Variants in PPP4R1 observed in about 807,000 individuals in gnomAD.
PPP4R1 encodes protein phosphatase 4 regulatory subunit 1.
In PPP4R1, 42 loss-of-function variants were observed where a neutral mutation model predicts 111.2. The observed-to-expected ratio is 0.38, with a 90% confidence interval of 0.29 to 0.49. PPP4R1 has a LOEUF of 0.49. Ranked by LOEUF, PPP4R1 falls within the 20% of genes least tolerant of loss-of-function variation. The pLI is 0.97. For missense variants in PPP4R1, 1,012 were observed against 1,161.6 expected, an observed-to-expected ratio of 0.87 and a Z score of 1.87; for synonymous variants, 409 against 405.5, an observed-to-expected ratio of 1.01 and a Z score of -0.10.
At chr18:9,549,120 T>G in intron 19 of PPP4R1, 77 bp downstream of exon 19, 1 of 1,511,432 alleles carries the variant, frequency 6.6e-7, no homozygotes, top group Non-Finnish European at 9.1e-7. Context: ...ACTTCTGCTT[T>G]GATATCTGCT....
intron 14 of PPP4R1, among the ~76,000 whole-genome samples, chr18:9,557,643 T>C (rs1392806116): frequency 1.3e-5 from 2 of 152,276 alleles, no homozygotes; most frequent in African/African-American, 4.8e-5. Flanking sequence ...TTTGTAGCTC[T>C]CTGAACATTG....
At position 9,602,780 on chromosome 18, in the gene PPP4R1, C is replaced by T. The variant is rs1034507168; in HGVS notation, c.53-7627G>A. 8.2e-4 allele frequency among the ~76,000 whole-genome samples: 121 copies of T among 147,954 alleles called. 1 individual carries two copies. The highest frequency in any genetic ancestry group is 5.5e-4 in the Non-Finnish European group (37 of 67,728). On this transcript the variant is annotated intron_variant, in intron 2 of 19. Coordinates refer to ENST00000400556, the MANE Select transcript of PPP4R1 (RefSeq NM_001042388.3). ...AAGTTGCAGCGAGCTGAAATCGCGC[C>T]ACTGCACTCCAACCTGGGCGACGTA...
At chr18:9,557,099 C>T in intron 15 of PPP4R1, 122 bp downstream of exon 15, 1 of 953,392 alleles carries the variant, frequency 1.0e-6, no homozygotes, top group Non-Finnish European at 1.5e-6. Context: ...TTAACATCAA[C>T]TTATGGCTGT....
chr18:9,616,894 T>G (rs2067693324), upstream of PPP4R1, among the ~76,000 whole-genome samples: 1 of 152,230 alleles, frequency 6.6e-6, no homozygotes. Context: ...GATTATCATC[T>G]TAGCTGAATT....
chr18:9,612,491 C>G (rs905667173), intron 2 of PPP4R1: 20 of 152,212 alleles, frequency 1.3e-4, no homozygotes, highest in African/African-American at 4.8e-4. Context: ...TTGAATTTTT[C>G]ACAGGTATGC....
chr18:9,582,920 A>C (rs766809318), intron 9 of PPP4R1, among the ~76,000 whole-genome samples, 197 bp downstream of exon 9: 1 of 152,234 alleles, frequency 6.6e-6, no homozygotes, highest in Admixed American at 6.5e-5. Context: ...CAGGACTTAA[A>C]TGTGTAAAGA....
chr18:9,549,701 G>A (rs2066458041), intron 18 of PPP4R1: 2 of 463,328 alleles, frequency 4.3e-6, no homozygotes, highest in Non-Finnish European at 3.9e-6. Context: ...ATGCAGTGAG[G>A]AACAGTGAGG....
chr18:9,607,602 T>G (rs11876452), intron 2 of PPP4R1, among the ~76,000 whole-genome samples: 69,802 of 151,650 alleles, frequency 0.46, 16,273 homozygotes, highest in Non-Finnish European at 0.49. Flanking sequence ...AATTAGCCAT[T>G]AATGCAAATT....
At chr18:9,559,020 G>T (rs925551511) in intron 14 of PPP4R1, among the ~76,000 whole-genome samples, 1 of 152,106 alleles carries the variant, frequency 6.6e-6, no homozygotes, top group Non-Finnish European at 1.5e-5. Flanking sequence ...TAGTAATACT[G>T]GAGTTCTACT....
chr18:9,609,552 A>T (rs755540696), intron 2 of PPP4R1, among the ~76,000 whole-genome samples: 118 of 152,362 alleles, frequency 7.7e-4, no homozygotes, highest in Non-Finnish European at 1.6e-3. Context: ...ATAATGTAAA[A>T]GGATTCCAAA....
intron 15 of PPP4R1, among the ~76,000 whole-genome samples, chr18:9,555,912 G>A (rs573934790): frequency 5.7e-4 from 86 of 151,962 alleles, no homozygotes; most frequent in Non-Finnish European, 7.5e-4. Flanking sequence ...CAAGGTGGGC[G>A]GATCACAAGA....
At chr18:9,554,601 C>T (rs551029842) in intron 15 of PPP4R1, among the ~76,000 whole-genome samples, 18 of 152,174 alleles carry the variant, frequency 1.2e-4, no homozygotes, top group African/African-American at 4.3e-4. Flanking sequence ...TAGCTACTAT[C>T]TACACCTCCT....
chr18:9,571,019 C>T (rs998165213), intron 10 of PPP4R1, among the ~76,000 whole-genome samples: 2 of 152,102 alleles, frequency 1.3e-5, no homozygotes. Context: ...ACAGAAATTC[C>T]TACAATCATT....
intron 15 of PPP4R1, among the ~76,000 whole-genome samples, chr18:9,553,850 T>G (rs2066526998): frequency 6.6e-6 from 1 of 152,126 alleles, no homozygotes; most frequent in South Asian, 2.1e-4. Context: ...AGAAAAAAAA[T>G]AAATGTATCC....
At chr18:9,572,723 T>A (rs1338231604) in intron 10 of PPP4R1, among the ~76,000 whole-genome samples, 1 of 152,204 alleles carries the variant, frequency 6.6e-6, no homozygotes, top group East Asian at 1.9e-4. Flanking sequence ...TTCCCTCTCA[T>A]CATAATGCTG....
chr18:9,562,008 G>A lies in PPP4R1; in HGVS notation c.1814C>T (p.Pro605Leu). The change falls in exon 13 of 20, where the codon CCT becomes CTT. Residue 605 changes from proline to leucine, a missense_variant. Physicochemically the swap from Pro to Leu is moderately conservative, Grantham distance 98 (BLOSUM62 -3). Around this residue, in one of 2 missense-constraint regions of PPP4R1, gnomAD observed 707 missense variants for 742.1 expected, o/e 0.95. Transcript: ENST00000400556. ...SDLSNNSSFS[P>L]DEERRTKVQD... is the part of the protein sequence containing the mutation. ...TACTTTAGTTCTCCTTTCCTCATCA[G>A]GGCTAAAACTGCTATTGTTGCTCAA... is the stretch of plus-strand genomic sequence containing the variant. The A allele has an allele frequency of 6.2e-7, 1 of 1,612,706 alleles. No individual in the cohort carries two copies. The highest frequency in any genetic ancestry group is 8.5e-7 in the Non-Finnish European group (1 of 1,178,886).
intron 11 of PPP4R1, among the ~76,000 whole-genome samples, chr18:9,566,764 GCT>G (rs2066774171): frequency 6.6e-6 from 1 of 151,966 alleles, no homozygotes; most frequent in Admixed American, 6.6e-5. Context: ...CTCTGCCTGT[GCT>G]CTGTCACTGG....
At position 9,576,955 on chromosome 18, in the gene PPP4R1, G is replaced by A. The variant is rs567446309; in HGVS notation, c.1046+109C>T. 50 of 1,090,134 alleles carry A rather than the reference G, an allele frequency of 4.6e-5. No individual in the cohort carries two copies. In the African/African-American group the frequency reaches 7.1e-4, roughly 15 times the overall value. 67.5% of individuals were successfully genotyped at this position (1,090,134 alleles called of 1,614,324 possible). ...CCAATTTTTATATTCAAGAGAAATA[G>A]CAAACTATCAAAAAATAACATTTGT... is the stretch of plus-strand genomic sequence containing the variant. On this transcript the variant is annotated intron_variant, in intron 10 of 19. Transcript: ENST00000400556.
intron 4 of PPP4R1, among the ~76,000 whole-genome samples, chr18:9,589,274 T>C (rs1394724972): frequency 2.0e-5 from 3 of 152,150 alleles, no homozygotes; most frequent in Non-Finnish European, 4.4e-5. Flanking sequence ...TAATCTCAAC[T>C]TAGTCAATAA....
Sources: allele counts gnomAD v4.1 joint callset (sites outside exome capture counted in the v4.1 genomes callset), GRCh38; gene constraint gnomAD v4.1.1; regional missense constraint gnomAD v4.1.1; transcripts MANE v1.5; gene names NCBI Gene and HGNC (gene_info 2026-07-23, HGNC 2026-07-21).